Variants in PLCB1 observed in about 807,000 individuals in gnomAD.
The protein encoded by PLCB1 is 1-phosphatidylinositol 4,5-bisphosphate phosphodiesterase beta-1.
A neutral mutation model predicts 161.8 loss-of-function variants in PLCB1; 46 were observed. The ratio of observed to expected loss-of-function variants is 0.28; its 90% CI spans 0.22 to 0.36. The LOEUF is 0.36. Among genes scored for constraint, PLCB1 ranks in the 10% least tolerant of loss-of-function variants. The pLI, the probability that PLCB1 is intolerant of heterozygous loss-of-function variation, is 1.00. For synonymous variants in PLCB1, 517 were observed against 503.7 expected (o/e 1.03, Z -0.35); for missense variants, 1,016 against 1,472.5 (o/e 0.69, Z 5.07).
At chr20:8,850,347 G>C (rs1986846441) in intron 31 of PLCB1, among the ~76,000 whole-genome samples, 2 of 152,182 alleles carry the variant, frequency 1.3e-5, no homozygotes, top group Non-Finnish European at 2.9e-5. Context: ...AGCACCAATA[G>C]TGCTCATGAA....
chr20:8,537,796 A>G (rs891941434), intron 3 of PLCB1, among the ~76,000 whole-genome samples: 1 of 152,190 alleles, frequency 6.6e-6, no homozygotes, highest in Non-Finnish European at 1.5e-5. Flanking sequence ...ACCCAGAGGA[A>G]ATTTGGAAAT....
intron 3 of PLCB1, among the ~76,000 whole-genome samples, chr20:8,607,187 C>T (rs988809341): frequency 2.0e-5 from 3 of 152,208 alleles, no homozygotes; most frequent in Non-Finnish European, 4.4e-5. Flanking sequence ...TTACATCCAA[C>T]GCATCCACTT....
At chr20:8,228,241 C>G (rs931168327) in intron 2 of PLCB1, among the ~76,000 whole-genome samples, 2 of 151,842 alleles carry the variant, frequency 1.3e-5, no homozygotes, top group African/African-American at 4.8e-5. Flanking sequence ...AATTTTTACC[C>G]CAGCAAGAGG....
intron 2 of PLCB1, among the ~76,000 whole-genome samples, chr20:8,321,783 C>T (rs552873987): frequency 2.6e-5 from 4 of 152,244 alleles, no homozygotes; most frequent in South Asian, 2.1e-4. Context: ...CTCTCTCCCC[C>T]GCATTGGGTT....
At chr20:8,632,863 G>C (rs540520177) in intron 4 of PLCB1, among the ~76,000 whole-genome samples, 1 of 152,276 alleles carries the variant, frequency 6.6e-6, no homozygotes, top group African/African-American at 2.4e-5. Context: ...GATGGCATAG[G>C]CTTTTGAAGG....
intron 3 of PLCB1, among the ~76,000 whole-genome samples, chr20:8,519,265 G>C (rs1426388429): frequency 6.6e-6 from 1 of 152,094 alleles, no homozygotes. Context: ...TTCCTACAGT[G>C]GTGAATACTA....
chr20:8,699,593 T>C (rs1466700397), intron 11 of PLCB1, among the ~76,000 whole-genome samples: 1 of 152,076 alleles, frequency 6.6e-6, no homozygotes, highest in Non-Finnish European at 1.5e-5. Context: ...ACTTGAGATG[T>C]GAGAAAATAA....
Position 8,138,368 on chromosome 20 carries a change from T to C in PLCB1, c.99+5618T>C, listed in dbSNP as rs537661693. Among the ~76,000 whole-genome samples the C allele has an allele frequency of 2.0e-5, 3 of 152,350 alleles. No homozygotes were observed. In the East Asian group the frequency reaches 5.8e-4, roughly 29 times the overall value. The stretch of plus-strand genomic sequence containing the variant: ...TTATCAGAATTGTTTCATGTTATCA[T>C]GAACAAGAATCGCCAGCAGAAAATG... On this transcript the variant is annotated intron_variant, in intron 1 of 31. Transcript: ENST00000338037.
intron 2 of PLCB1, among the ~76,000 whole-genome samples, chr20:8,362,198 T>C (rs1368408824): frequency 2.8e-4 from 42 of 152,204 alleles, no homozygotes; most frequent in Admixed American, 2.8e-3. Context: ...AAAGAGCCAA[T>C]ATATTTCTGA....
intron 13 of PLCB1, among the ~76,000 whole-genome samples, chr20:8,716,590 G>C (rs1387120342): frequency 1.3e-5 from 2 of 152,142 alleles, no homozygotes; most frequent in Non-Finnish European, 2.9e-5. Flanking sequence ...TCAATCAAGA[G>C]TGCAGATTTC....
chr20:8,281,068 A>C (rs1416592343), intron 2 of PLCB1, among the ~76,000 whole-genome samples: 4 of 152,212 alleles, frequency 2.6e-5, no homozygotes, highest in Non-Finnish European at 5.9e-5. Flanking sequence ...AAAATTAATA[A>C]CCTTTCTAAA....
chr20:8,714,386 A>C (rs1376027920), intron 12 of PLCB1, among the ~76,000 whole-genome samples: 7 of 152,138 alleles, frequency 4.6e-5, no homozygotes, highest in African/African-American at 1.7e-4. Flanking sequence ...TGTACTTCTT[A>C]TCAGCAGCAG....
At chr20:8,635,299 G>GAAAGGA (rs563544029) in intron 4 of PLCB1, among the ~76,000 whole-genome samples, 15 of 152,224 alleles carry the variant, frequency 9.9e-5, no homozygotes, top group Middle Eastern at 3.4e-3. Context: ...AAGGAGAAGG[G>GAAAGGA]AAAGGAAAAG....
intron 3 of PLCB1, among the ~76,000 whole-genome samples, chr20:8,455,263 G>C (rs1462048366): frequency 1.3e-5 from 2 of 150,592 alleles, no homozygotes; most frequent in Non-Finnish European, 3.0e-5. Context: ...GGGAGGTGGA[G>C]GTTGCGATGA....
intron 2 of PLCB1, among the ~76,000 whole-genome samples, chr20:8,155,045 G>A (rs1435477044): frequency 6.6e-6 from 1 of 152,058 alleles, no homozygotes; most frequent in Non-Finnish European, 1.5e-5. Flanking sequence ...GTGTAAGGTG[G>A]AGCTCTAACT....
At chr20:8,394,042 A>AT (rs955302205) in intron 3 of PLCB1, among the ~76,000 whole-genome samples, 3 of 152,056 alleles carry the variant, frequency 2.0e-5, no homozygotes, top group Non-Finnish European at 2.9e-5. Flanking sequence ...CACCTAATTA[A>AT]TTTTTTTAAT....
chr20:8,839,079 T>C (rs1986399577), intron 31 of PLCB1, among the ~76,000 whole-genome samples: 1 of 152,202 alleles, frequency 6.6e-6, no homozygotes, highest in Non-Finnish European at 1.5e-5. Context: ...TAGATGACAT[T>C]ATGCTGATTG....
At chr20:8,490,190 T>C (rs1166614221) in intron 3 of PLCB1, among the ~76,000 whole-genome samples, 1 of 152,182 alleles carries the variant, frequency 6.6e-6, no homozygotes, top group Admixed American at 6.5e-5. Flanking sequence ...GCACGTGCTT[T>C]GCTTTGAACA....
chr20:8,580,195 T>A (rs1192042749), intron 3 of PLCB1, among the ~76,000 whole-genome samples: 2 of 152,182 alleles, frequency 1.3e-5, no homozygotes, highest in African/African-American at 4.8e-5. Flanking sequence ...AACTCCAAAC[T>A]GGGGTGGCCC....
Sources: allele counts gnomAD v4.1 joint callset (sites outside exome capture counted in the v4.1 genomes callset), GRCh38; gene constraint gnomAD v4.1.1; transcripts MANE v1.5; gene names NCBI Gene and HGNC (gene_info 2026-07-23, HGNC 2026-07-21).